CADM3: variants seen among roughly 807,000 people sequenced by gnomAD.
CADM3 encodes the protein cell adhesion molecule 3, also known as TSLC1-like 1.
In CADM3, 11 loss-of-function variants were observed where a neutral mutation model predicts 44.9. That is an observed-to-expected ratio of 0.25 (90% confidence interval 0.15 to 0.41). The LOEUF (loss-of-function observed/expected upper bound fraction) is 0.41. CADM3 is among the 10% of genes least tolerant of loss of function. CADM3 has a pLI of 1.00. For missense variants in CADM3, 426 were observed against 512.0 expected, an observed-to-expected ratio of 0.83 and a Z score of 1.62; for synonymous variants, 207 against 205.2, an observed-to-expected ratio of 1.01 and a Z score of -0.08.
At chr1:159,196,654 C>T in intron 6 of CADM3, 200 bp downstream of exon 6, 2 of 634,366 alleles carry the variant, frequency 3.2e-6, no homozygotes, top group Non-Finnish European at 5.5e-6. Context: ...AACTCAGTCC[C>T]TGAGTTTCCC....
At chr1:159,174,020 A>C (rs1648924633) in intron 1 of CADM3, among the ~76,000 whole-genome samples, 1 of 152,214 alleles carries the variant, frequency 6.6e-6, no homozygotes, top group Admixed American at 6.5e-5. Context: ...TGAGAGAAAC[A>C]GTGGAAAGCA....
chr1:159,175,841 G>A lies in CADM3; in HGVS notation c.88+3988G>A, dbSNP rs191074320. ...GCCATAAAATTCCAGAGACAGCATC[G>A]CTTTGGCGTTCTGGTTACTTTGAAA... On this transcript the variant is annotated intron_variant, in intron 1 of 8. Coordinates refer to ENST00000368125, the MANE Select transcript of CADM3 (RefSeq NM_001127173.3). Among the ~76,000 whole-genome samples, 148 of 152,314 alleles carry A rather than the reference G, an allele frequency of 9.7e-4. 1 individual carries two copies. In the South Asian group the frequency reaches 0.014, roughly 15 times the overall value.
rs6667731 is a variant in CADM3 at position 159,172,970 on chromosome 1, G to A, written c.88+1117G>A. Among the ~76,000 whole-genome samples the A allele has an allele frequency of 2.1e-3, 318 of 152,264 alleles. 3 individuals carry two copies. The highest frequency in any genetic ancestry group is 7.3e-3 in the African/African-American group (302 of 41,556). ...CTCAGGTCCCTGAGGAGGGAGGGCA[G>A]GCTGTGAAGAGACTGAAGGAATGCA... On this transcript the variant is annotated intron_variant, in intron 1 of 8. Coordinates refer to ENST00000368125, the MANE Select transcript of CADM3 (RefSeq NM_001127173.3).
chr1:159,191,330 C>T (rs1224998555), intron 1 of CADM3, among the ~76,000 whole-genome samples: 1 of 152,120 alleles, frequency 6.6e-6, no homozygotes, highest in Non-Finnish European at 1.5e-5. Context: ...AGGGCCTTGA[C>T]TGAAGGGAAG....
At chr1:159,197,882 A>T (rs1390678207) in intron 7 of CADM3, 1 of 152,204 alleles carries the variant, frequency 6.6e-6, no homozygotes, top group East Asian at 1.9e-4. Context: ...AGTTCTTGGG[A>T]TCAGAATGTC....
rs1465686866 is a variant in CADM3, at chr1:159,171,633, A to C, written c.-133A>C. 2.7e-5 allele frequency: 13 copies of C among 479,726 alleles called. No individual in the cohort carries two copies. Among genetic ancestry groups the C allele is most frequent in the Non-Finnish European group, 4.1e-5 (13 of 320,798 alleles). 29.7% of individuals were successfully genotyped at this position (479,726 alleles called of 1,614,324 possible). A position where few individuals can be genotyped will look rare whatever the true frequency, so the allele number is the denominator to read the frequency against. ...CAGCGCCGGCTCCCTCCCGGTCCCCACCTCGGCCCCGGGCTCCGAAGCGGC... is the reference window on the plus strand; with the variant it reads ...CAGCGCCGGCTCCCTCCCGGTCCCCCCCTCGGCCCCGGGCTCCGAAGCGGC... On this transcript the variant is annotated 5_prime_UTR_variant, in exon 1 of 9. Transcript: ENST00000368125.
chr1:159,184,480 CT>C (rs1031297542), intron 1 of CADM3, among the ~76,000 whole-genome samples: 5 of 151,468 alleles, frequency 3.3e-5, no homozygotes, highest in South Asian at 4.2e-4. Context: ...ACTCAGGGAG[CT>C]TTTTTTTTCT....
chr1:159,177,572 A>G (rs1649072530), intron 1 of CADM3, among the ~76,000 whole-genome samples: 1 of 152,138 alleles, frequency 6.6e-6, no homozygotes, highest in Admixed American at 6.5e-5. Flanking sequence ...TCCCCAGAAC[A>G]GGGCTGAAAT....
chr1:159,197,169 G>A (rs1649939672), intron 7 of CADM3, 109 bp downstream of exon 7: 2 of 1,244,768 alleles, frequency 1.6e-6, no homozygotes, highest in Admixed American at 2.1e-5. Flanking sequence ...GGGGAGTGGA[G>A]TAAAGGAAAA....
At position 159,193,908 on chromosome 1, in the gene CADM3, A is replaced by G; in HGVS notation, c.559A>G (p.Thr187Ala). Residue 187 changes from threonine (T) to alanine (A), a missense_variant, in exon 5 of 9, where the codon ACC becomes GCC. By Grantham distance (58) the Thr-to-Ala change is moderately conservative (BLOSUM62 0). Transcript: ENST00000368125. ...CATACAGGAAGATCCCAATGGTAAA[A>G]CCTTCACTGTCAGCAGCTCGGTGAC... ...TRIQEDPNGKTFTVSSSVTFQ... is the reference protein window; with the variant it reads ...TRIQEDPNGKAFTVSSSVTFQ... 1 of 1,614,046 alleles carries G rather than the reference A, an allele frequency of 6.2e-7. No homozygotes were observed. The highest frequency in any genetic ancestry group is 8.5e-7 in the Non-Finnish European group (1 of 1,180,012).
At chr1:159,172,396 A>G (rs904409086) in intron 1 of CADM3, among the ~76,000 whole-genome samples, 1 of 151,936 alleles carries the variant, frequency 6.6e-6, no homozygotes, top group Non-Finnish European at 1.5e-5. Flanking sequence ...CGCAGCTCCG[A>G]GTGGGCAGAG....
chr1:159,193,576 C>T lies in CADM3; in HGVS notation c.520+16C>T. 6.2e-7 allele frequency: 1 copy of T among 1,614,074 alleles called. No homozygotes were observed. The highest frequency in any genetic ancestry group is 8.5e-7 in the Non-Finnish European group (1 of 1,180,000). On this transcript the variant is annotated intron_variant, in intron 4 of 8. Coordinates refer to ENST00000368125, the MANE Select transcript of CADM3 (RefSeq NM_001127173.3). ...GAACTCCACGGTGAGTACCTCCTGC[C>T]TTGGGGTTACAGGAGAAAGTGGTGC...
rs1163364492 is a variant in CADM3 at position 159,171,772 on chromosome 1, G to A, written c.7G>A (p.Ala3Thr). Residue 3 changes from alanine (A) to threonine (T), a missense_variant, in exon 1 of 9, where the codon GCC becomes ACC. By Grantham distance (58) the Ala-to-Thr change is moderately conservative. This residue lies in a region of CADM3 where 64 missense variants were observed against 37.4 expected (regional missense o/e 1.71). Transcript: ENST00000368125. MG[A>T]PAASLLLLLL... ...GAGCCGGCCGGGAAGCGCGATGGGG[G>A]CCCCAGCCGCCTCGCTCCTGCTCCT... 1.6e-6 allele frequency: 2 copies of A among 1,237,668 alleles called. No individual in the cohort carries two copies. Among genetic ancestry groups the A allele is most frequent in the African/African-American group, 1.5e-5 (1 of 64,686 alleles). The allele number at this position is 1,237,668 out of a possible 1,614,324, so 76.7% of individuals were successfully genotyped here. A position where few individuals can be genotyped will look rare whatever the true frequency, so the allele number is the denominator to read the frequency against.
At chr1:159,188,412 C>G (rs984973048) in intron 1 of CADM3, among the ~76,000 whole-genome samples, 1 of 151,886 alleles carries the variant, frequency 6.6e-6, no homozygotes, top group Non-Finnish European at 1.5e-5. Context: ...GGACCCTAAG[C>G]CCACGTCCCA....
At chr1:159,196,247 T>C in intron 5 of CADM3, 117 bp from the exon 6 acceptor site, 1 of 718,244 alleles carries the variant, frequency 1.4e-6, no homozygotes, top group Non-Finnish European at 2.4e-6. Context: ...AAGGTCTTTG[T>C]TGCACTTCTT....
intron 1 of CADM3, among the ~76,000 whole-genome samples, 158 bp downstream of exon 1, chr1:159,172,011 C>T (rs1473038605): frequency 6.6e-6 from 1 of 152,144 alleles, no homozygotes; most frequent in Non-Finnish European, 1.5e-5. Flanking sequence ...TCTGAGCATC[C>T]GTGTCTCTGT....
chr1:159,183,257 A>G (rs1649298490), intron 1 of CADM3, among the ~76,000 whole-genome samples: 1 of 152,164 alleles, frequency 6.6e-6, no homozygotes, highest in Non-Finnish European at 1.5e-5. Flanking sequence ...CAGCTAATAC[A>G]CATGTTAGGA....
intron 6 of CADM3, 72 bp downstream of exon 6, chr1:159,196,526 C>T: frequency 8.4e-7 from 1 of 1,187,000 alleles, no homozygotes; most frequent in Admixed American, 1.9e-5. Flanking sequence ...CATAACAGCT[C>T]CTTCCTATCT....
rs752726122 is a variant in CADM3 at position 159,192,705 on chromosome 1, T to G, written c.357T>G (p.Thr119=). 8.1e-6 allele frequency: 13 copies of G among 1,613,930 alleles called. No homozygotes were observed. The highest frequency in any genetic ancestry group is 3.3e-5 in the Admixed American group (2 of 60,002). ...TCSIFTMPVR[T]AKSLVTVLGI... is the part of the protein sequence containing the mutation. ...CAATCTTCACTATGCCTGTGCGAACTGCCAAGTCCCTCGTCACTGTGCTAG... is the reference window on the plus strand; with the variant it reads ...CAATCTTCACTATGCCTGTGCGAACGGCCAAGTCCCTCGTCACTGTGCTAG... Residue 119 remains threonine (T), a synonymous_variant, in exon 3 of 9, where the codon ACT becomes ACG. Coordinates refer to ENST00000368125, the MANE Select transcript of CADM3 (RefSeq NM_001127173.3).
Sources: allele counts gnomAD v4.1 joint callset (sites outside exome capture counted in the v4.1 genomes callset), GRCh38; gene constraint gnomAD v4.1.1; regional missense constraint gnomAD v4.1.1; transcripts MANE v1.5; gene names NCBI Gene and HGNC (gene_info 2026-07-23, HGNC 2026-07-21).